Variants in USH2A observed in about 807,000 individuals in gnomAD.
USH2A encodes Usher syndrome 2A (autosomal recessive, mild).
USH2A carries 443 observed loss-of-function variants against 538.9 expected under a neutral mutation model. The observed-to-expected ratio is 0.82, with a 90% confidence interval of 0.76 to 0.89. The LOEUF (loss-of-function observed/expected upper bound fraction) is 0.89, where lower values mean the gene tolerates loss of function less well. Among genes scored for constraint, USH2A ranks in the 40% least tolerant of loss-of-function variants. The pLI is 0.00. For missense variants in USH2A, 6,633 were observed against 6,324.8 expected (o/e 1.05, Z -1.65); for synonymous variants, 2,413 against 2,273.5 (o/e 1.06, Z -1.75).
intron 67 of USH2A, among the ~76,000 whole-genome samples, chr1:215,646,014 G>C (rs1010177305): frequency 5.3e-5 from 8 of 151,736 alleles, no homozygotes; most frequent in African/African-American, 1.9e-4. Context: ...TAATGCCACG[G>C]GAAATGCAAA....
intron 47 of USH2A, among the ~76,000 whole-genome samples, chr1:215,830,348 G>A (rs1218630435): frequency 6.6e-6 from 1 of 152,314 alleles, no homozygotes; most frequent in South Asian, 2.1e-4. Context: ...GGCAGCTGTG[G>A]CCAAATTGGA....
At chr1:215,964,326 A>G (rs1006449719) in intron 37 of USH2A, among the ~76,000 whole-genome samples, 5 of 152,164 alleles carry the variant, frequency 3.3e-5, no homozygotes, top group African/African-American at 9.7e-5. Context: ...GGACACACCA[A>G]TCTTTGAGGG....
intron 16 of USH2A, among the ~76,000 whole-genome samples, chr1:216,202,580 A>C (rs2035024131): frequency 6.6e-6 from 1 of 152,134 alleles, no homozygotes; most frequent in Non-Finnish European, 1.5e-5. Flanking sequence ...GTTACTACAG[A>C]CTTCTGCATT....
chr1:215,919,371 A>G (rs1224994363), intron 38 of USH2A, among the ~76,000 whole-genome samples: 2 of 152,100 alleles, frequency 1.3e-5, no homozygotes, highest in East Asian at 1.9e-4. Context: ...CTCAGTGTCA[A>G]TCCTGTGAGA....
At position 215,625,584 on chromosome 1, in the gene USH2A, T is replaced by G; in HGVS notation, c.*197A>C. On this transcript the variant is annotated 3_prime_UTR_variant, in exon 72 of 72. Coordinates refer to ENST00000307340, the MANE Select transcript of USH2A (RefSeq NM_206933.4). Reference sequence around the variant, plus strand: ...AGTATTTTCATATGAATATTCTCTCTCATTTAAGATGAGAAAAATATCATT... The same window carrying G: ...AGTATTTTCATATGAATATTCTCTCGCATTTAAGATGAGAAAAATATCATT... 1 of 615,176 alleles carries G rather than the reference T, an allele frequency of 1.6e-6. No individual in the cohort carries two copies. The highest frequency in any genetic ancestry group is 2.9e-6 in the Non-Finnish European group (1 of 343,500). 38.1% of individuals were successfully genotyped at this position (615,176 alleles called of 1,614,324 possible).
intron 9 of USH2A, among the ~76,000 whole-genome samples, chr1:216,317,618 C>T (rs1436561926): frequency 6.6e-6 from 1 of 151,784 alleles, no homozygotes; most frequent in East Asian, 1.9e-4. Flanking sequence ...GAGTCCGAGG[C>T]AGGTGGAGCA....
chr1:216,391,035 G>A (rs898662614), intron 3 of USH2A, among the ~76,000 whole-genome samples: 4 of 152,136 alleles, frequency 2.6e-5, no homozygotes, highest in Non-Finnish European at 5.9e-5. Flanking sequence ...GTAAAAACAG[G>A]ATATGAAATA....
In USH2A at chr1:215,675,128, T is replaced by C. The variant is rs1657972150; in HGVS notation, c.12783A>G (p.Ala4261=). The change falls in exon 63 of 72, where the codon GCA becomes GCG. Residue 4261 remains alanine, a synonymous_variant. Coordinates refer to ENST00000307340, the MANE Select transcript of USH2A (RefSeq NM_206933.4). ...CAGGTGGAGAGAGACCTTCTGGAGG[T>C]GCTTGCAATGTCCTCACCACATTCC... ...SSWNVVRTLQ[A]PPEGLSPPVI... 6.2e-7 allele frequency: 1 copy of C among 1,613,990 alleles called. No individual in the cohort carries two copies. The highest frequency in any genetic ancestry group is 8.5e-7 in the Non-Finnish European group (1 of 1,179,994).
intron 60 of USH2A, among the ~76,000 whole-genome samples, chr1:215,740,002 T>C (rs1047944218): frequency 1.3e-5 from 2 of 152,164 alleles, no homozygotes; most frequent in Non-Finnish European, 2.9e-5. Context: ...AGGAAATACA[T>C]TGCTTTCAGA....
At chr1:216,331,370 A>C (rs2037860472) in intron 4 of USH2A, among the ~76,000 whole-genome samples, 1 of 152,138 alleles carries the variant, frequency 6.6e-6, no homozygotes, top group Non-Finnish European at 1.5e-5. Flanking sequence ...TGACTCATAC[A>C]AGAAAGACCT....
Position 215,786,783 on chromosome 1 carries a change from C to G in USH2A, c.10274G>C (p.Cys3425Ser), listed in dbSNP as rs200328442. ...ATTGTGAGACCCTCTTATCACAGTG[C>G]AAATGTGGCTGGTAAAGTTGAAGTC... ...RCDFNFTSHI[C>S]TVIRGSHNST... Residue 3425 changes from cysteine to serine, a missense_variant, in exon 52 of 72, where the codon TGC becomes TCC. By Grantham distance (112) the Cys-to-Ser change is moderately radical. Coordinates refer to ENST00000307340, the MANE Select transcript of USH2A (RefSeq NM_206933.4). 1 of 1,613,926 alleles carries G rather than the reference C, an allele frequency of 6.2e-7. No individual in the cohort carries two copies. The highest frequency in any genetic ancestry group is 8.5e-7 in the Non-Finnish European group (1 of 1,179,952).
At chr1:215,844,156 A>G in intron 46 of USH2A, 138 bp downstream of exon 46, 1 of 897,932 alleles carries the variant, frequency 1.1e-6, no homozygotes, top group Non-Finnish European at 1.7e-6. Flanking sequence ...ATTCTGATCA[A>G]TTTCCCTTCT....
chr1:215,754,250 GTATGT>G (rs751293686), intron 58 of USH2A, among the ~76,000 whole-genome samples: 5 of 152,104 alleles, frequency 3.3e-5, no homozygotes, highest in African/African-American at 4.8e-5. Context: ...TAATATGAAC[GTATGT>G]ACACGACATT....
intron 4 of USH2A, among the ~76,000 whole-genome samples, chr1:216,350,289 C>T (rs1481407283): frequency 6.6e-6 from 1 of 152,026 alleles, no homozygotes; most frequent in African/African-American, 2.4e-5. Context: ...TGCCTCTGGC[C>T]CCTCCCAAAT....
intron 55 of USH2A, among the ~76,000 whole-genome samples, chr1:215,777,109 C>T (rs1366928913): frequency 6.6e-6 from 1 of 151,900 alleles, no homozygotes; most frequent in Non-Finnish European, 1.5e-5. Context: ...AAGGCTTTTA[C>T]CAGATTATGA....
chr1:216,075,027 CATA>C (rs1251839232), intron 27 of USH2A, among the ~76,000 whole-genome samples: 1 of 151,854 alleles, frequency 6.6e-6, no homozygotes, highest in African/African-American at 2.4e-5. Context: ...TATATTTTAC[CATA>C]ATGTTTAAAA....
At chr1:216,231,147 G>A (rs908413457) in intron 14 of USH2A, among the ~76,000 whole-genome samples, 17 of 142,486 alleles carry the variant, frequency 1.2e-4, no homozygotes, top group Middle Eastern at 3.6e-3. Flanking sequence ...AATTAGAAAC[G>A]CAAGGAAAAT....
chr1:216,203,799 C>T (rs999665994), intron 16 of USH2A, among the ~76,000 whole-genome samples: 7 of 152,118 alleles, frequency 4.6e-5, no homozygotes, highest in South Asian at 2.1e-4. Context: ...GCTTAAACTA[C>T]GATAATATCT....
chr1:216,286,601 G>A (rs1436824264), intron 11 of USH2A, among the ~76,000 whole-genome samples: 1 of 152,026 alleles, frequency 6.6e-6, no homozygotes, highest in South Asian at 2.1e-4. Flanking sequence ...GTGAGCATCT[G>A]CAATCCTAGC....
Sources: gnomAD v4.1 joint callset for allele counts (sites outside exome capture counted in the v4.1 genomes callset) on GRCh38, gnomAD v4.1.1 for gene constraint, MANE v1.5 for transcripts, NCBI Gene and HGNC (gene_info 2026-07-23, HGNC 2026-07-21) for gene names.